LPP: variants seen among roughly 807,000 people sequenced by gnomAD.
The protein encoded by LPP is lipoma-preferred partner.
Under a neutral mutation model 60.4 loss-of-function variants are expected in LPP, and 38 were observed. That is an observed-to-expected ratio of 0.63 (90% confidence interval 0.49 to 0.83). LPP has a LOEUF of 0.83. LPP is among the 40% of genes least tolerant of loss of function. LPP has a pLI of 0.00. For missense variants in LPP, 902 were observed against 783.6 expected (o/e 1.15, Z -1.80); for synonymous variants, 328 against 290.8 (o/e 1.13, Z -1.30).
At chr3:188,324,359 C>G (rs1757787808) in intron 2 of LPP, among the ~76,000 whole-genome samples, 1 of 152,196 alleles carries the variant, frequency 6.6e-6, no homozygotes, top group Non-Finnish European at 1.5e-5. Context: ...TCACCTCCTG[C>G]TCCACTGTTG....
chr3:188,840,749 C>T (rs1759748141), intron 9 of LPP, among the ~76,000 whole-genome samples: 5 of 152,260 alleles, frequency 3.3e-5, no homozygotes, highest in Admixed American at 2.6e-4. Flanking sequence ...TTATTATTAT[C>T]CTCATCTTAC....
chr3:188,285,282 C>T (rs1029250845), intron 2 of LPP, among the ~76,000 whole-genome samples: 3 of 152,090 alleles, frequency 2.0e-5, no homozygotes, highest in African/African-American at 4.8e-5. Flanking sequence ...ATATGTGAAG[C>T]GTTAGAGAGA....
intron 9 of LPP, among the ~76,000 whole-genome samples, chr3:188,777,605 G>T (rs1268815358): frequency 6.6e-6 from 1 of 152,298 alleles, no homozygotes; most frequent in South Asian, 2.1e-4. Flanking sequence ...ATCTAAGCAT[G>T]TCAGGGTCCT....
At chr3:188,455,562 T>C (rs1797550782) in intron 4 of LPP, among the ~76,000 whole-genome samples, 6 of 152,224 alleles carry the variant, frequency 3.9e-5, no homozygotes. Flanking sequence ...ATCAGTCACT[T>C]GCTCTCTGCG....
At chr3:188,347,602 C>G (rs1422849558) in intron 3 of LPP, among the ~76,000 whole-genome samples, 10 of 152,130 alleles carry the variant, frequency 6.6e-5, no homozygotes, top group Admixed American at 6.5e-4. Flanking sequence ...GGCCTACCCC[C>G]CCATTATATT....
At chr3:188,343,052 C>T (rs1048473778) in intron 3 of LPP, among the ~76,000 whole-genome samples, 2 of 151,986 alleles carry the variant, frequency 1.3e-5, no homozygotes, top group Non-Finnish European at 2.9e-5. Context: ...GATACATGTG[C>T]AGAACATGCA....
intron 6 of LPP, among the ~76,000 whole-genome samples, chr3:188,608,021 A>G (rs1842865815): frequency 1.3e-5 from 2 of 152,108 alleles, no homozygotes; most frequent in African/African-American, 4.8e-5. Flanking sequence ...GTGGTGTCCT[A>G]GGATGATGAA....
At chr3:188,466,858 C>T (rs1489173581) in intron 4 of LPP, among the ~76,000 whole-genome samples, 1 of 114,798 alleles carries the variant, frequency 8.7e-6, no homozygotes, top group Non-Finnish European at 1.8e-5. Flanking sequence ...GTAAACTCCA[C>T]CTGTTTGCTA....
At position 188,688,065 on chromosome 3, in the gene LPP, A is replaced by G. The variant is rs187977648; in HGVS notation, c.1114-20202A>G. Among the ~76,000 whole-genome samples, 433 of 152,320 alleles carry G rather than the reference A, an allele frequency of 2.8e-3. 2 individuals carry two copies. The highest frequency in any genetic ancestry group is 4.7e-3 in the Non-Finnish European group (317 of 68,030). ...CCCCAGGCACCACGGCAGAAGAACC[A>G]TGACCTTGCTGAGAGGCACTGCATG... On this transcript the variant is annotated intron_variant, in intron 7 of 11. Coordinates refer to ENST00000617246, the MANE Select transcript of LPP (RefSeq NM_001375462.1).
At chr3:188,301,004 A>T (rs1233306485) in intron 2 of LPP, among the ~76,000 whole-genome samples, 1 of 152,044 alleles carries the variant, frequency 6.6e-6, no homozygotes, top group African/African-American at 2.4e-5. Flanking sequence ...ATGCATTTCT[A>T]TGTGTCTGCT....
rs777758156 is a variant in LPP at position 188,876,582 on chromosome 3, G to C, written c.*2103G>C. 4.9e-6 allele frequency: 1 copy of C among 204,344 alleles called. No individual in the cohort carries two copies. Among genetic ancestry groups the C allele is most frequent in the African/African-American group, 2.3e-5 (1 of 43,658 alleles). 12.7% of individuals were successfully genotyped at this position (204,344 alleles called of 1,614,324 possible). ...CATGCTGATGACCTCAAGTAGCACTGACTATTTGACAATAGGGCTGATAAT... is the reference window on the plus strand; with the variant it reads ...CATGCTGATGACCTCAAGTAGCACTCACTATTTGACAATAGGGCTGATAAT... On this transcript the variant is annotated 3_prime_UTR_variant, in exon 12 of 12. Transcript: ENST00000617246.
At chr3:188,189,165 A>C (rs1262524594) in intron 1 of LPP, among the ~76,000 whole-genome samples, 1 of 152,144 alleles carries the variant, frequency 6.6e-6, no homozygotes, top group African/African-American at 2.4e-5. Flanking sequence ...GGCTCACTGA[A>C]GCCTCAACCA....
intron 1 of LPP, among the ~76,000 whole-genome samples, chr3:188,163,951 C>CAA (rs34632883): frequency 0.032 from 3,637 of 114,962 alleles, 103 homozygotes; most frequent in African/African-American, 0.083. Context: ...ACTCTGTCTC[C>CAA]AAAAAAAAAA....
intron 7 of LPP, among the ~76,000 whole-genome samples, chr3:188,669,903 C>T (rs965879247): frequency 6.6e-6 from 1 of 152,168 alleles, no homozygotes; most frequent in African/African-American, 2.4e-5. Context: ...CAAATATACA[C>T]CGTGGAATAC....
intron 2 of LPP, among the ~76,000 whole-genome samples, chr3:188,250,804 CTTTCTCTT>C (rs1729126527): frequency 2.2e-5 from 3 of 135,552 alleles, no homozygotes; most frequent in Middle Eastern, 3.8e-3. Flanking sequence ...CTCTTTCTTT[CTTTCTCTT>C]TCTTTCTTTC....
chr3:188,539,405 G>A (rs965546089), intron 6 of LPP, among the ~76,000 whole-genome samples: 6 of 152,176 alleles, frequency 3.9e-5, no homozygotes, highest in African/African-American at 7.2e-5. Flanking sequence ...TTGGTGGATA[G>A]GGAGTATTTG....
chr3:188,705,783 A>G (rs560983946), intron 7 of LPP, among the ~76,000 whole-genome samples: 48 of 151,924 alleles, frequency 3.2e-4, no homozygotes, highest in African/African-American at 1.1e-3. Context: ...CACCTGGCTA[A>G]TTTTTGTGTT....
intron 4 of LPP, among the ~76,000 whole-genome samples, chr3:188,463,374 A>G (rs1799609831): frequency 7.1e-6 from 1 of 139,974 alleles, no homozygotes; most frequent in African/African-American, 2.6e-5. Flanking sequence ...AAAAAAAAAA[A>G]GTTTAGAAAT....
chr3:188,753,865 A>C (rs974422493), intron 8 of LPP, among the ~76,000 whole-genome samples: 4 of 152,136 alleles, frequency 2.6e-5, no homozygotes, highest in Admixed American at 6.6e-5. Context: ...CTAGCCACGT[A>C]CCTGTTGAAC....
Sources: allele counts gnomAD v4.1 joint callset (sites outside exome capture counted in the v4.1 genomes callset), GRCh38; gene constraint gnomAD v4.1.1; transcripts MANE v1.5; gene names NCBI Gene and HGNC (gene_info 2026-07-23, HGNC 2026-07-21).